MRC2: variants seen among roughly 807,000 people sequenced by gnomAD.
MRC2 encodes the protein C-type mannose receptor 2.
In MRC2, 84 loss-of-function variants were observed where a neutral mutation model predicts 206.2. That is an observed-to-expected ratio of 0.41 (90% confidence interval 0.34 to 0.49). The LOEUF (loss-of-function observed/expected upper bound fraction) is 0.49, where lower values mean the gene tolerates loss of function less well. MRC2 is among the 20% of genes least tolerant of loss of function. The pLI is 0.31. For synonymous variants in MRC2, 798 were observed against 800.0 expected, an observed-to-expected ratio of 1.00 and a Z score of 0.04; for missense variants, 1,676 against 2,001.5, an observed-to-expected ratio of 0.84 and a Z score of 3.10.
chr17:62,634,838 T>TG (rs2088292248), intron 1 of MRC2, among the ~76,000 whole-genome samples: 1 of 151,784 alleles, frequency 6.6e-6, no homozygotes, highest in African/African-American at 2.4e-5. Context: ...AACTTTTTTT[T>TG]TTTTTTTTTT....
intron 1 of MRC2, among the ~76,000 whole-genome samples, chr17:62,646,762 G>A (rs1465157423): frequency 1.3e-5 from 2 of 152,218 alleles, no homozygotes; most frequent in African/African-American, 2.4e-5. Context: ...GCATATATGA[G>A]TTCAAGTCCC....
At position 62,690,144 on chromosome 17, in the gene MRC2, G is replaced by A. The variant is rs200375596; in HGVS notation, c.3743-12G>A. 67 of 1,596,138 alleles carry A rather than the reference G, an allele frequency of 4.2e-5. 1 individual carries two copies. The African/African-American group carries it at 8.2e-4, about 19-fold the overall frequency. The stretch of plus-strand genomic sequence containing the variant: ...GGGTGCTGAGCCACTTCTTAATCCT[G>A]TACCCCCACAGGGCCCCCTCCTCCC... On this transcript the variant is annotated splice_polypyrimidine_tract_variant and intron_variant, in intron 25 of 29. Transcript: ENST00000303375.
intron 20 of MRC2, among the ~76,000 whole-genome samples, chr17:62,687,378 T>C (rs1225107026): frequency 2.0e-5 from 3 of 152,214 alleles, no homozygotes; most frequent in Non-Finnish European, 4.4e-5. Flanking sequence ...CAGGCTGGTC[T>C]CGAACTCCAG....
intron 14 of MRC2, 88 bp downstream of exon 14, chr17:62,679,990 T>TTTCTTGAGGGCCGGGCC: frequency 6.9e-7 from 1 of 1,458,846 alleles, no homozygotes; most frequent in Non-Finnish European, 9.2e-7. Flanking sequence ...GTGGGCGGGT[T>TTTCTTGAGGGCCGGGCC]TTCTTGAGGG....
intron 1 of MRC2, among the ~76,000 whole-genome samples, chr17:62,649,258 A>G (rs2088526815): frequency 6.6e-6 from 1 of 152,204 alleles, no homozygotes; most frequent in Non-Finnish European, 1.5e-5. Flanking sequence ...GGAGATCTTG[A>G]AGGTTCCCAA....
chr17:62,638,305 T>C (rs1017690814), intron 1 of MRC2, among the ~76,000 whole-genome samples: 3 of 152,086 alleles, frequency 2.0e-5, no homozygotes, highest in African/African-American at 7.2e-5. Flanking sequence ...AAACATCATA[T>C]GGTTTTAAAT....
At chr17:62,640,786 G>A (rs544554117) in intron 1 of MRC2, among the ~76,000 whole-genome samples, 112 of 151,444 alleles carry the variant, frequency 7.4e-4, no homozygotes, top group African/African-American at 1.8e-3. Context: ...CCAGGTTCAC[G>A]CCATTCTCCT....
intron 1 of MRC2, among the ~76,000 whole-genome samples, chr17:62,643,471 A>G (rs958188103): frequency 2.6e-5 from 4 of 152,204 alleles, no homozygotes; most frequent in African/African-American, 7.2e-5. Flanking sequence ...GAGGGTTTCA[A>G]ATAAAATTTA....
rs147837904 is a variant in MRC2, at chr17:62,636,994, C to T, written c.118+9074C>T. 3.4e-3 allele frequency among the ~76,000 whole-genome samples: 511 copies of T among 152,346 alleles called. 3 individuals are homozygous for T. The highest frequency in any genetic ancestry group is 0.011 in the African/African-American group (477 of 41,568). On this transcript the variant is annotated intron_variant, in intron 1 of 29. Coordinates refer to ENST00000303375, the MANE Select transcript of MRC2 (RefSeq NM_006039.5). ...TCCTCCCTTAGGGTCTTCCCTTCCA[C>T]CCTCAGTCCAGAGCTGGCATTGCTG...
chr17:62,633,961 G>A (rs933977315), intron 1 of MRC2, among the ~76,000 whole-genome samples: 3 of 151,500 alleles, frequency 2.0e-5, no homozygotes, highest in South Asian at 4.2e-4. Flanking sequence ...AGAATTTGAG[G>A]CGAATCCATA....
chr17:62,656,131 C>A (rs985575065), intron 1 of MRC2, among the ~76,000 whole-genome samples: 2 of 152,154 alleles, frequency 1.3e-5, no homozygotes, highest in Non-Finnish European at 2.9e-5. Flanking sequence ...ACTGCAACCT[C>A]CGCCTCCTGG....
Position 62,688,481 on chromosome 17 carries a change from C to T in MRC2, c.3062-20C>T. Reference sequence around the variant, plus strand: ...ATAGCTATAGCAGAGTCACTCACAACTGTCTTCTGGGGACCATAGCATTCA... The same window carrying T: ...ATAGCTATAGCAGAGTCACTCACAATTGTCTTCTGGGGACCATAGCATTCA... On this transcript the variant is annotated intron_variant, in intron 21 of 29. Transcript: ENST00000303375. The T allele has an allele frequency of 6.2e-7, 1 of 1,614,176 alleles. No individual in the cohort carries two copies. The highest frequency in any genetic ancestry group is 8.5e-7 in the Non-Finnish European group (1 of 1,180,016).
chr17:62,636,365 A>G (rs991703103), intron 1 of MRC2, among the ~76,000 whole-genome samples: 3 of 151,838 alleles, frequency 2.0e-5, no homozygotes, highest in Non-Finnish European at 4.4e-5. Context: ...ACACACTAGC[A>G]CAGGCCACAG....
In MRC2 at chr17:62,690,768, GC is replaced by G; in HGVS notation, c.4012+10del. On this transcript the variant is annotated splice_region_variant and intron_variant, in intron 27 of 29. Transcript: ENST00000303375. The stretch of plus-strand genomic sequence containing the variant: ...ATGAACTTCAACCCCAAAGGTGGGT[GC>G]CCTGTGTGTGGGGTGGAGAGGTCAA... 1 of 1,598,054 alleles carries G rather than the reference GC, an allele frequency of 6.3e-7. No homozygotes were observed.
At position 62,680,852 on chromosome 17, in the gene MRC2, C is replaced by T; in HGVS notation, c.2526C>T (p.His842=). Residue 842 remains histidine, a synonymous_variant, in exon 17 of 30, where the codon CAC becomes CAT. Coordinates refer to ENST00000303375, the MANE Select transcript of MRC2 (RefSeq NM_006039.5). This position sits in a 1 kb window ranked among gnomAD's most constrained non-coding sequence, Gnocchi z 4.8. ...FQEAEYKFFE[H]HSTWAQAQRI... is the part of the protein sequence containing the mutation. ...AGGCCGAGTACAAGTTCTTTGAGCA[C>T]CACTCCACGTGGGCGCAGGCGCAGC... is the stretch of plus-strand genomic sequence containing the variant. 6.2e-7 allele frequency: 1 copy of T among 1,613,048 alleles called. No homozygotes were observed. Among genetic ancestry groups the T allele is most frequent in the Non-Finnish European group, 8.5e-7 (1 of 1,179,910 alleles).
rs2147498066 is a variant in MRC2 at position 62,692,991 on chromosome 17, GC to G, written c.*541del. On this transcript the variant is annotated 3_prime_UTR_variant, in exon 30 of 30. Transcript: ENST00000303375. The surrounding 1 kb of genome is among the most constrained non-coding windows in gnomAD (Gnocchi z 4.2). ...GCCCTCTTGTTCCTGATGAGGGTCA[GC>G]TGAGGGGGCTGAGCATCCATCACTC... 6.4e-6 allele frequency: 1 copy of G among 157,228 alleles called. No individual in the cohort carries two copies. Among genetic ancestry groups the G allele is most frequent in the South Asian group, 1.9e-4 (1 of 5,144 alleles). 9.7% of individuals were successfully genotyped at this position (157,228 alleles called of 1,614,324 possible).
chr17:62,636,311 A>C (rs2088318060), intron 1 of MRC2, among the ~76,000 whole-genome samples: 1 of 151,866 alleles, frequency 6.6e-6, no homozygotes. Context: ...TACACAAGTA[A>C]GTGCAAAAAA....
rs1568061051 is a variant in MRC2 at position 62,666,030 on chromosome 17, C to T, written c.521-64C>T. 5 of 1,499,750 alleles carry T rather than the reference C, an allele frequency of 3.3e-6. No homozygotes were observed. Among genetic ancestry groups the T allele is most frequent in the Non-Finnish European group, 3.6e-6 (4 of 1,115,986 alleles). The allele number at this position is 1,499,750 out of a possible 1,614,324, so 92.9% of individuals were successfully genotyped here. A position where few individuals can be genotyped will look rare whatever the true frequency, so the allele number is the denominator to read the frequency against. ...GTTTTAGGGGATTTCTCCTGAGGGTCGAGGGGCTTGGCAGCCTCTGGTGTC... is the reference window on the plus strand; with the variant it reads ...GTTTTAGGGGATTTCTCCTGAGGGTTGAGGGGCTTGGCAGCCTCTGGTGTC... On this transcript the variant is annotated intron_variant, in intron 2 of 29. Coordinates refer to ENST00000303375, the MANE Select transcript of MRC2 (RefSeq NM_006039.5). This position sits in a 1 kb window ranked among gnomAD's most constrained non-coding sequence, Gnocchi z 5.0.
At chr17:62,673,522 T>G (rs1187678135) in intron 8 of MRC2, among the ~76,000 whole-genome samples, 1 of 151,586 alleles carries the variant, frequency 6.6e-6, no homozygotes, top group African/African-American at 2.4e-5. Flanking sequence ...TTTTTTTTTT[T>G]TTTTGAGATG....
Sources: allele counts gnomAD v4.1 joint callset (sites outside exome capture counted in the v4.1 genomes callset), GRCh38; gene constraint gnomAD v4.1.1; non-coding constraint Gnocchi (gnomAD v3.1); transcripts MANE v1.5; gene names NCBI Gene and HGNC (gene_info 2026-07-23, HGNC 2026-07-21).